The following URB1 variants were observed in gnomAD, a reference collection of about 807,000 sequenced individuals.
The protein encoded by URB1 is nucleolar pre-ribosomal-associated protein 1.
URB1 carries 197 observed loss-of-function variants against 242.3 expected under a neutral mutation model. That is an observed-to-expected ratio of 0.81 (90% CI 0.72 to 0.91). URB1 has a LOEUF of 0.91. Among genes scored for constraint, URB1 ranks in the 40% least tolerant of loss-of-function variants. The probability of loss-of-function intolerance (pLI) is 0.00; values close to 1 mark genes in which losing one functional copy is unlikely to be tolerated. For missense variants in URB1, 2,721 were observed against 2,860.5 expected (o/e 0.95, Z 1.11); for synonymous variants, 1,153 against 1,201.8 (o/e 0.96, Z 0.84).
chr21:32,339,154 C>G (rs1326610516), intron 25 of URB1, among the ~76,000 whole-genome samples: 1 of 152,146 alleles, frequency 6.6e-6, no homozygotes, highest in Admixed American at 6.5e-5. Flanking sequence ...ACCACCACGC[C>G]TGGCTAATTT....
rs2032708448 is a variant in URB1 at position 32,317,679 on chromosome 21, T to C, written c.6031A>G (p.Met2011Val). The change falls in exon 37 of 39, where the codon ATG (methionine) becomes GTG (valine). Residue 2011 changes from methionine to valine, a missense_variant. Coordinates refer to ENST00000382751, the MANE Select transcript of URB1 (RefSeq NM_014825.3). ...AGTCCTGGGTTCTGACACTCACTCA[T>C]GAGCTCCCGGGCTTGGGCCTTCTCA... ...AIEKAQAREL[M>V]KMLKDKNKPV... The C allele has an allele frequency of 6.4e-7, 1 of 1,551,686 alleles. No individual in the cohort carries two copies. The highest frequency in any genetic ancestry group is 8.7e-7 in the Non-Finnish European group (1 of 1,146,948).
chr21:32,351,049 C>T (rs926974057), intron 19 of URB1, 127 bp from the exon 20 acceptor site: 7 of 971,272 alleles, frequency 7.2e-6, no homozygotes, highest in Admixed American at 7.1e-5. Context: ...ATAAGACTAA[C>T]GAATACGGGA....
At position 32,385,595 on chromosome 21, in the gene URB1, A is replaced by T. The variant is rs114003733; in HGVS notation, c.232T>A (p.Cys78Ser). ...CTTAGGAGCTGGAAAATTTCGACAC[A>T]CTCAACAGAAATCTTTATATACCCT... is the stretch of plus-strand genomic sequence containing the variant. ...VEGYIKISVE[C>S]VEIFQLLSGE... The change falls in exon 2 of 39, where the codon TGT becomes AGT. Residue 78 changes from cysteine (C) to serine (S), a missense_variant. Physicochemically the swap from Cys to Ser is moderately radical, Grantham distance 112. Transcript: ENST00000382751. The T allele has an allele frequency of 1.3e-6, 2 of 1,552,020 alleles. No individual in the cohort carries two copies. Among genetic ancestry groups the T allele is most frequent in the South Asian group, 2.4e-5 (2 of 84,052 alleles).
chr21:32,343,722 T>C (rs1348626106), intron 24 of URB1, among the ~76,000 whole-genome samples: 1 of 152,174 alleles, frequency 6.6e-6, no homozygotes, highest in Non-Finnish European at 1.5e-5. Flanking sequence ...CATTCCATCA[T>C]CAAGCCACCC....
intron 35 of URB1, among the ~76,000 whole-genome samples, chr21:32,319,875 TA>T (rs1221873502): frequency 1.3e-5 from 2 of 152,134 alleles, no homozygotes; most frequent in Non-Finnish European, 2.9e-5. Context: ...GAAATGCTTT[TA>T]AAAAAATGCA....
At chr21:32,373,050 AG>A (rs1465704687) in intron 7 of URB1, among the ~76,000 whole-genome samples, 1 of 152,204 alleles carries the variant, frequency 6.6e-6, no homozygotes, top group Non-Finnish European at 1.5e-5. Flanking sequence ...TAACGTTAAC[AG>A]GAAGTCTGTG....
At chr21:32,355,400 A>G (rs748384002) in intron 16 of URB1, 49 bp downstream of exon 16, 45 of 1,496,352 alleles carry the variant, frequency 3.0e-5, no homozygotes, top group African/African-American at 7.0e-5. Context: ...TAAGAAGTTA[A>G]TATAATTATC....
intron 10 of URB1, among the ~76,000 whole-genome samples, chr21:32,364,173 A>ACTGCACCT: frequency 6.6e-6 from 1 of 152,098 alleles, no homozygotes; most frequent in African/African-American, 2.4e-5. Flanking sequence ...CACCTGGGAG[A>ACTGCACCT]GTCACTCACT....
chr21:32,348,330 C>T (rs1339376971), intron 21 of URB1, among the ~76,000 whole-genome samples: 1 of 152,052 alleles, frequency 6.6e-6, no homozygotes, highest in East Asian at 1.9e-4. Context: ...ACCATGTGTC[C>T]GGGGAAAGTG....
chr21:32,315,108 G>T lies in URB1; in HGVS notation c.6635-9C>A. 6.6e-7 allele frequency: 1 copy of T among 1,511,498 alleles called. No individual in the cohort carries two copies. Among genetic ancestry groups the T allele is most frequent in the South Asian group, 1.3e-5 (1 of 78,866 alleles). The allele number at this position is 1,511,498 out of a possible 1,614,324, so 93.6% of individuals were successfully genotyped here. On this transcript the variant is annotated splice_polypyrimidine_tract_variant and intron_variant, in intron 38 of 38. Transcript: ENST00000382751. ...TAGGAATGCTGCGGAGGCTGAACAA[G>T]AGCAGGGGATAGGCCATTAGGATGC...
intron 25 of URB1, among the ~76,000 whole-genome samples, chr21:32,340,511 G>A (rs973270458): frequency 6.6e-6 from 1 of 152,202 alleles, no homozygotes; most frequent in Non-Finnish European, 1.5e-5. Context: ...TACTTGGGAG[G>A]CCGAGGCAGG....
In URB1 at chr21:32,361,159, A is replaced by G. The variant is rs11910739; in HGVS notation, c.1640-36T>C. ...AAAAGAAAAAGAAAGAAAAAGAGAA[A>G]AAAGAAAGAAAGAAAGAAAGAAAGA... On this transcript the variant is annotated intron_variant, in intron 12 of 38. Transcript: ENST00000382751. 1.1e-3 allele frequency: 310 copies of G among 270,190 alleles called. 2 individuals carry two copies. The highest frequency in any genetic ancestry group is 5.0e-3 in the South Asian group (79 of 15,908). 16.7% of individuals were successfully genotyped at this position (270,190 alleles called of 1,614,324 possible).
Position 32,361,076 on chromosome 21 carries a change from A to G in URB1, c.1687T>C (p.Cys563Arg). 6.4e-7 allele frequency: 1 copy of G among 1,551,212 alleles called. No homozygotes were observed. The highest frequency in any genetic ancestry group is 1.4e-5 in the African/African-American group (1 of 73,060). ...LLKAVLLQVICLYQKVVPHVV... is the reference protein window; with the variant it reads ...LLKAVLLQVIRLYQKVVPHVV... ...TGGGGGACCACCTTCTGGTAGAGGCATATGACCTGGAGCAAAACAGCTTTC... is the reference window on the plus strand; with the variant it reads ...TGGGGGACCACCTTCTGGTAGAGGCGTATGACCTGGAGCAAAACAGCTTTC... The change falls in exon 13 of 39, where the codon TGC (cysteine) becomes CGC (arginine). Residue 563 changes from cysteine (C) to arginine (R), a missense_variant. Transcript: ENST00000382751.
At chr21:32,342,655 C>CCA (rs58166777) in intron 24 of URB1, among the ~76,000 whole-genome samples, 147,113 of 147,120 alleles carry the variant, frequency 1, 73,553 homozygotes, top group Middle Eastern at 1. Context: ...CCAGGAAGCA[C>CCA]TAGTGCCAAC....
In URB1 at chr21:32,321,907, C is replaced by G; in HGVS notation, c.5378G>C (p.Arg1793Pro). The change falls in exon 34 of 39, where the codon CGG (arginine) becomes CCG (proline). Residue 1793 changes from arginine (R) to proline (P), a missense_variant. Transcript: ENST00000382751. ...TEQKWVFGVL[R>P]QGIRDKQCYE... ...GCACTGCTTGTCACGGATCCCCTGC[C>G]GCAGAACGCCAAACACCCACTTCTG... 1 of 1,551,648 alleles carries G rather than the reference C, an allele frequency of 6.4e-7. No homozygotes were observed.
Position 32,316,420 on chromosome 21 carries a change from C to A in URB1, c.6634+46G>T, listed in dbSNP as rs201544976. ...GAAATCACTCCTGCCCCCAGGCCCA[C>A]TTCTGCATCTATTTCTTCAGCCTCC... On this transcript the variant is annotated intron_variant, in intron 38 of 38. Coordinates refer to ENST00000382751, the MANE Select transcript of URB1 (RefSeq NM_014825.3). The A allele has an allele frequency of 9.0e-4, 1,316 of 1,463,038 alleles. 3 individuals are homozygous for A. The highest frequency in any genetic ancestry group is 1.1e-3 in the Non-Finnish European group (1,218 of 1,105,834). The allele number at this position is 1,463,038 out of a possible 1,614,324, so 90.6% of individuals were successfully genotyped here.
intron 32 of URB1, among the ~76,000 whole-genome samples, chr21:32,323,838 G>A (rs2032795694): frequency 6.6e-6 from 1 of 152,106 alleles, no homozygotes; most frequent in Non-Finnish European, 1.5e-5. Flanking sequence ...GGTGGCATTC[G>A]CTGTAGTCCC....
chr21:32,332,096 G>A (rs780971689), intron 30 of URB1, among the ~76,000 whole-genome samples: 2 of 152,236 alleles, frequency 1.3e-5, no homozygotes, highest in African/African-American at 4.8e-5. Context: ...CACAGAGGCT[G>A]TAACAACTGA....
chr21:32,343,227 T>C (rs974062678), intron 24 of URB1, among the ~76,000 whole-genome samples: 2 of 152,178 alleles, frequency 1.3e-5, no homozygotes, highest in Non-Finnish European at 2.9e-5. Context: ...GTGTGAATAC[T>C]TGCAATGAGT....
Sources: allele counts gnomAD v4.1 joint callset (sites outside exome capture counted in the v4.1 genomes callset), GRCh38; gene constraint gnomAD v4.1.1; transcripts MANE v1.5; gene names NCBI Gene and HGNC (gene_info 2026-07-23, HGNC 2026-07-21).